FAM178B: variants seen among roughly 807,000 people sequenced by gnomAD.
The protein encoded by FAM178B is protein FAM178B.
Under a neutral mutation model 91.7 loss-of-function variants are expected in FAM178B, and 82 were observed. The ratio of observed to expected loss-of-function variants is 0.89; its 90% confidence interval spans 0.75 to 1.07. The LOEUF is 1.07. FAM178B is among the 50% of genes least tolerant of loss of function. The pLI is 0.00. For missense variants in FAM178B, 769 were observed against 846.7 expected (o/e 0.91, Z 1.14); for synonymous variants, 368 against 359.4 (o/e 1.02, Z -0.27).
intron 12 of FAM178B, 46 bp downstream of exon 12, chr2:96,921,119 A>AGAGAT: frequency 6.7e-7 from 1 of 1,485,020 alleles, no homozygotes; most frequent in Non-Finnish European, 9.2e-7. Flanking sequence ...AAGACCCCGA[A>AGAGAT]GAGATGCGTG....
At chr2:96,979,643 T>C (rs1164201892) in intron 1 of FAM178B, among the ~76,000 whole-genome samples, 1 of 152,212 alleles carries the variant, frequency 6.6e-6, no homozygotes, top group East Asian at 1.9e-4. Context: ...TTCAGGAAGA[T>C]ACCCAGTAGT....
intron 9 of FAM178B, among the ~76,000 whole-genome samples, chr2:96,926,007 G>C (rs1410073709): frequency 6.6e-6 from 1 of 152,100 alleles, no homozygotes; most frequent in Non-Finnish European, 1.5e-5. Context: ...CTGCTCCTTT[G>C]AAAACCAAGT....
intron 11 of FAM178B, 77 bp from the exon 12 acceptor site, chr2:96,921,339 GGAGT>G: frequency 1.3e-6 from 2 of 1,505,784 alleles, no homozygotes; most frequent in Non-Finnish European, 1.8e-6. Flanking sequence ...CCCGCACAGG[GGAGT>G]AAGTGGGCAG....
At chr2:96,967,470 C>T in intron 5 of FAM178B, 50 bp downstream of exon 5, 1 of 1,195,972 alleles carries the variant, frequency 8.4e-7, no homozygotes. Context: ...AGGGGGTTGG[C>T]ACCTCAGTCT....
chr2:96,917,910 G>C (rs2081268551), intron 12 of FAM178B, among the ~76,000 whole-genome samples: 1 of 152,048 alleles, frequency 6.6e-6, no homozygotes, highest in Non-Finnish European at 1.5e-5. Context: ...TGGCTGTTTG[G>C]GGATGGAAAA....
chr2:96,929,931 C>T (rs536670178), intron 8 of FAM178B, among the ~76,000 whole-genome samples: 25 of 152,286 alleles, frequency 1.6e-4, no homozygotes, highest in Non-Finnish European at 3.1e-4. Flanking sequence ...CTGACCACAT[C>T]GGCCGGGCAC....
At position 96,986,390 on chromosome 2, in the gene FAM178B, G is replaced by C. The variant is rs1304115797; in HGVS notation, c.-77C>G. On this transcript the variant is annotated 5_prime_UTR_variant, in exon 1 of 17. Transcript: ENST00000490605. Reference sequence around the variant, plus strand: ...CGGCCTCAGAGGACGGGGCCAGCTAGCCGGGAAAGGAAGCAGGAGCAGGCT... The same window carrying C: ...CGGCCTCAGAGGACGGGGCCAGCTACCCGGGAAAGGAAGCAGGAGCAGGCT... 16 of 1,480,732 alleles carry C rather than the reference G, an allele frequency of 1.1e-5. No homozygotes were observed. The South Asian group carries it at 1.9e-4, about 18-fold the overall frequency. 91.7% of individuals were successfully genotyped at this position (1,480,732 alleles called of 1,614,324 possible).
chr2:96,982,901 T>A (rs1274783161), intron 1 of FAM178B, among the ~76,000 whole-genome samples: 3 of 150,302 alleles, frequency 2.0e-5, no homozygotes, highest in South Asian at 4.2e-4. Context: ...ATTTTAGAGA[T>A]ATAGTCTCTC....
At chr2:96,978,007 C>T (rs985217809) in intron 1 of FAM178B, 2 of 419,796 alleles carry the variant, frequency 4.8e-6, no homozygotes, top group Admixed American at 2.8e-5. Flanking sequence ...GAGGAGAAAA[C>T]GTCATTGCTA....
chr2:96,901,175 TC>T (rs1309229963), intron 13 of FAM178B, among the ~76,000 whole-genome samples: 7 of 139,610 alleles, frequency 5.0e-5, no homozygotes, highest in African/African-American at 1.6e-4. Flanking sequence ...AATTCTTTTT[TC>T]TTTTTTTTTT....
chr2:96,939,445 G>A (rs895625643), intron 8 of FAM178B, among the ~76,000 whole-genome samples: 6 of 151,730 alleles, frequency 4.0e-5, no homozygotes, highest in Non-Finnish European at 5.9e-5. Context: ...GTAGTGAGCC[G>A]AGATCGCGCC....
At chr2:96,984,858 C>A (rs2082404008) in intron 1 of FAM178B, among the ~76,000 whole-genome samples, 1 of 152,184 alleles carries the variant, frequency 6.6e-6, no homozygotes, top group Non-Finnish European at 1.5e-5. Flanking sequence ...ATCTTCTCTG[C>A]CTGCGTCTCC....
chr2:96,942,569 G>T (rs1254467624), intron 8 of FAM178B, among the ~76,000 whole-genome samples: 2 of 151,802 alleles, frequency 1.3e-5, no homozygotes, highest in African/African-American at 2.4e-5. Flanking sequence ...ATTTTTTTTT[G>T]TATTTTTAGT....
chr2:96,969,755 C>T (rs920799899), intron 4 of FAM178B, among the ~76,000 whole-genome samples: 7 of 152,208 alleles, frequency 4.6e-5, no homozygotes, highest in Non-Finnish European at 1.5e-5. Context: ...CACAAGTTCC[C>T]GGGTCGGAGG....
At chr2:96,902,109 A>AT (rs373394292) in intron 13 of FAM178B, among the ~76,000 whole-genome samples, 354 of 138,204 alleles carry the variant, frequency 2.6e-3, no homozygotes, top group South Asian at 4.7e-3. Context: ...TTTTACTACA[A>AT]TTTTTTTTTT....
intron 7 of FAM178B, among the ~76,000 whole-genome samples, chr2:96,950,519 C>G (rs560963186): frequency 6.6e-6 from 1 of 152,290 alleles, no homozygotes; most frequent in Admixed American, 6.5e-5. Flanking sequence ...CATGATGGCT[C>G]TGATTTACAG....
In FAM178B at chr2:96,921,604, G is replaced by T. The variant is rs890485187; in HGVS notation, c.1338C>A (p.Asn446Lys). Residue 446 changes from asparagine to lysine, a missense_variant, in exon 11 of 17, where the codon AAC (asparagine) becomes AAA (lysine). Transcript: ENST00000490605. Reference protein sequence around the residue: ...QAQPGAYTDENLMGLIELLCR... With the variant: ...QAQPGAYTDEKLMGLIELLCR... ...ACAGCAGCTCAATCAGTCCCATGAG[G>T]TTCTCATCAGTGTAGGCCCCCGGCT... The T allele has an allele frequency of 1.9e-6, 3 of 1,551,688 alleles. No individual in the cohort carries two copies. Among genetic ancestry groups the T allele is most frequent in the Admixed American group, 2.0e-5 (1 of 51,006 alleles).
At chr2:96,887,864 T>G (rs2080567810) in intron 14 of FAM178B, among the ~76,000 whole-genome samples, 1 of 148,206 alleles carries the variant, frequency 6.7e-6, no homozygotes, top group Non-Finnish European at 1.5e-5. Context: ...GGACTGGGCC[T>G]GGGTGGGGTG....
intron 12 of FAM178B, among the ~76,000 whole-genome samples, chr2:96,910,471 G>A (rs188353664): frequency 2.0e-5 from 3 of 152,292 alleles, no homozygotes; most frequent in Admixed American, 6.5e-5. Flanking sequence ...AGCAAAATAC[G>A]AATTGTGTAG....
Sources: allele counts gnomAD v4.1 joint callset (sites outside exome capture counted in the v4.1 genomes callset), GRCh38; gene constraint gnomAD v4.1.1; transcripts MANE v1.5; gene names NCBI Gene and HGNC (gene_info 2026-07-23, HGNC 2026-07-21).